The following ADGRV1 variants were observed in gnomAD, a reference collection of about 807,000 sequenced individuals.
The protein encoded by ADGRV1 is adhesion G protein-coupled receptor V1.
In ADGRV1, 359 loss-of-function variants were observed where a neutral mutation model predicts 596.2. The observed-to-expected ratio is 0.60, with a 90% confidence interval of 0.55 to 0.66. ADGRV1 has a LOEUF of 0.66. ADGRV1 is among the 30% of genes least tolerant of loss of function. ADGRV1 has a pLI of 0.00. For synonymous variants in ADGRV1, 2,681 were observed against 2,679.2 expected (o/e 1.00, Z -0.02); for missense variants, 7,274 against 7,575.6 (o/e 0.96, Z 1.48).
chr5:90,573,597 C>T (rs139961166), intron 1 of ADGRV1, among the ~76,000 whole-genome samples: 1 of 152,242 alleles, frequency 6.6e-6, no homozygotes. Flanking sequence ...TATGGACCAC[C>T]ATCATATACC....
At chr5:90,764,009 C>T (rs917966831) in intron 59 of ADGRV1, among the ~76,000 whole-genome samples, 1 of 152,032 alleles carries the variant, frequency 6.6e-6, no homozygotes, top group Admixed American at 6.6e-5. Context: ...AAGCACCTGC[C>T]CTGGTGTGGG....
In ADGRV1 at chr5:90,627,453, T is replaced by C. The variant is rs1452894762; in HGVS notation, c.915T>C (p.Tyr305=). The change falls in exon 7 of 90, where the codon TAT becomes TAC. Residue 305 remains tyrosine (Y), a synonymous_variant. Transcript: ENST00000405460. ...ATGAATATGAGGTTTCAATCAGTTA[T>C]GCTGTCACAACTGGGAATTCCACAG... ...GSDEYEVSIS[Y]AVTTGNSTAH... 6 of 1,614,002 alleles carry C rather than the reference T, an allele frequency of 3.7e-6. No homozygotes were observed. The highest frequency in any genetic ancestry group is 3.3e-5 in the South Asian group (3 of 91,074).
At chr5:91,118,451 C>T (rs1442189834) in intron 87 of ADGRV1, among the ~76,000 whole-genome samples, 1 of 151,988 alleles carries the variant, frequency 6.6e-6, no homozygotes, top group Non-Finnish European at 1.5e-5. Flanking sequence ...CTTTTGCATT[C>T]TATCTATAAA....
chr5:90,911,302 T>G (rs1772866565), intron 83 of ADGRV1, among the ~76,000 whole-genome samples: 1 of 152,198 alleles, frequency 6.6e-6, no homozygotes, highest in Non-Finnish European at 1.5e-5. Flanking sequence ...TGTGACTTTT[T>G]CAGACAGACA....
At chr5:91,085,782 C>A (rs1200866926) in intron 86 of ADGRV1, among the ~76,000 whole-genome samples, 1 of 152,180 alleles carries the variant, frequency 6.6e-6, no homozygotes, top group Admixed American at 6.5e-5. Context: ...TATCACTTTA[C>A]ACTGCCTAGA....
intron 87 of ADGRV1, among the ~76,000 whole-genome samples, chr5:91,143,560 C>T (rs1482650236): frequency 1.3e-5 from 2 of 152,176 alleles, no homozygotes; most frequent in Non-Finnish European, 1.5e-5. Flanking sequence ...ACAGGCAGGT[C>T]GTCCCATCAA....
intron 85 of ADGRV1, among the ~76,000 whole-genome samples, chr5:91,039,614 A>G (rs1404743599): frequency 3.9e-5 from 6 of 152,216 alleles, no homozygotes; most frequent in African/African-American, 1.4e-4. Flanking sequence ...TGGGCATGCA[A>G]ACAAACAAAT....
chr5:91,084,622 C>T (rs1789700013), intron 86 of ADGRV1, among the ~76,000 whole-genome samples: 1 of 152,172 alleles, frequency 6.6e-6, no homozygotes, highest in African/African-American at 2.4e-5. Flanking sequence ...CGCTTTTACA[C>T]TGCTGGTGGG....
At position 90,778,834 on chromosome 5, in the gene ADGRV1, C is replaced by T. The variant is rs13355572; in HGVS notation, c.12850-31C>T. On this transcript the variant is annotated intron_variant, in intron 63 of 89. Coordinates refer to ENST00000405460, the MANE Select transcript of ADGRV1 (RefSeq NM_032119.4). ...AGTATTGTCTGGTAGATTAAACATC[C>T]AAATCAAATAAGAAAATGCATTTTG... The T allele has an allele frequency of 0.027, 41,833 of 1,551,356 alleles. 689 individuals are homozygous for T. The highest frequency in any genetic ancestry group is 0.031 in the Non-Finnish European group (35,580 of 1,132,040).
In ADGRV1 at chr5:90,685,764, A is replaced by T. The variant is rs891469757; in HGVS notation, c.6275-16A>T. 1.3e-6 allele frequency: 2 copies of T among 1,590,334 alleles called. No homozygotes were observed. The highest frequency in any genetic ancestry group is 2.7e-5 in the African/African-American group (2 of 74,504). Reference sequence around the variant, plus strand: ...TGATAGCTTTCTGTGTTCTGTGTGGATCTTCTGTCTTTCAGTTCCAAATTC... The same window carrying T: ...TGATAGCTTTCTGTGTTCTGTGTGGTTCTTCTGTCTTTCAGTTCCAAATTC... On this transcript the variant is annotated splice_polypyrimidine_tract_variant and intron_variant, in intron 28 of 89. Coordinates refer to ENST00000405460, the MANE Select transcript of ADGRV1 (RefSeq NM_032119.4).
At chr5:90,906,614 C>G (rs1772349036) in intron 83 of ADGRV1, among the ~76,000 whole-genome samples, 1 of 151,890 alleles carries the variant, frequency 6.6e-6, no homozygotes, top group African/African-American at 2.4e-5. Flanking sequence ...ATATTTGGAT[C>G]TTCTCTCTTT....
intron 85 of ADGRV1, among the ~76,000 whole-genome samples, chr5:91,071,045 A>G (rs753774277): frequency 1.3e-5 from 2 of 152,144 alleles, no homozygotes; most frequent in Non-Finnish European, 2.9e-5. Context: ...CCTAATGGTG[A>G]TATGATCCCT....
At chr5:90,760,906 CATG>C (rs750222162) in intron 58 of ADGRV1, among the ~76,000 whole-genome samples, 4 of 152,174 alleles carry the variant, frequency 2.6e-5, no homozygotes, top group Non-Finnish European at 5.9e-5. Context: ...ATTGTTATTA[CATG>C]ATAACTATGA....
intron 83 of ADGRV1, among the ~76,000 whole-genome samples, chr5:90,895,435 C>T (rs954314423): frequency 9.2e-5 from 14 of 152,070 alleles, no homozygotes; most frequent in Non-Finnish European, 2.9e-5. Context: ...CAATAACAGT[C>T]TTGACAGAGA....
At position 90,691,416 on chromosome 5, in the gene ADGRV1, C is replaced by T. The variant is rs186961988; in HGVS notation, c.6951+375C>T. Among the ~76,000 whole-genome samples, 29 of 125,194 alleles carry T rather than the reference C, an allele frequency of 2.3e-4. No homozygotes were observed. In the East Asian group the frequency reaches 4.6e-3, roughly 20 times the overall value. 82.1% of individuals were successfully genotyped at this position (125,194 alleles called of 152,430 possible). A position where few individuals can be genotyped will look rare whatever the true frequency, so the allele number is the denominator to read the frequency against. Reference sequence around the variant, plus strand: ...TTTTTTTTTTTGAGATGGAGTTTTACGCTTGTCGCCCAGGCTGGAGGGCAG... The same window carrying T: ...TTTTTTTTTTTGAGATGGAGTTTTATGCTTGTCGCCCAGGCTGGAGGGCAG... On this transcript the variant is annotated intron_variant, in intron 31 of 89. Coordinates refer to ENST00000405460, the MANE Select transcript of ADGRV1 (RefSeq NM_032119.4).
chr5:90,721,531 A>AAAAATAAAAT lies in ADGRV1; in HGVS notation c.9748+524_9748+533dup, dbSNP rs369937781. Among the ~76,000 whole-genome samples the AAAAATAAAAT allele has an allele frequency of 1.6e-3, 134 of 82,626 alleles. 1 individual carries two copies. The highest frequency in any genetic ancestry group is 5.6e-3 in the Middle Eastern group (1 of 178). 54.2% of individuals were successfully genotyped at this position (82,626 alleles called of 152,430 possible). A position where few individuals can be genotyped will look rare whatever the true frequency, so the allele number is the denominator to read the frequency against. ...AAATAAAATAAAATAAAATAAAAAT[A>AAAAATAAAAT]AAAATAAAATAAAATAAAATAAAAT... On this transcript the variant is annotated intron_variant, in intron 45 of 89. Transcript: ENST00000405460.
intron 84 of ADGRV1, among the ~76,000 whole-genome samples, chr5:90,965,861 A>G (rs958845296): frequency 1.3e-5 from 2 of 152,184 alleles, no homozygotes; most frequent in Non-Finnish European, 2.9e-5. Flanking sequence ...CAAAGGAGTG[A>G]CATGATAAGA....
rs749979946 is a variant in ADGRV1, at chr5:90,637,736, C to T, written c.2028C>T (p.Pro676=). ...TTTCTTTTTATAAGGTATACATTCC[C>T]TTACATCGGGATGGAACTGATGGCC... The part of the protein sequence containing the change: ...EDFAAEVVYI[P]LHRDGTDGQA... The change falls in exon 11 of 90, where the codon CCC becomes CCT. Residue 676 remains proline (P), a synonymous_variant. Coordinates refer to ENST00000405460, the MANE Select transcript of ADGRV1 (RefSeq NM_032119.4). 3 of 1,608,668 alleles carry T rather than the reference C, an allele frequency of 1.9e-6. No individual in the cohort carries two copies. The highest frequency in any genetic ancestry group is 1.7e-6 in the Non-Finnish European group (2 of 1,177,652).
intron 83 of ADGRV1, among the ~76,000 whole-genome samples, chr5:90,961,954 T>C: frequency 6.6e-6 from 1 of 152,138 alleles, no homozygotes. Flanking sequence ...GTAAAACGAA[T>C]TGAGAAACAG....
Sources: gnomAD v4.1 joint callset for allele counts (sites outside exome capture counted in the v4.1 genomes callset) on GRCh38, gnomAD v4.1.1 for gene constraint, MANE v1.5 for transcripts, NCBI Gene and HGNC (gene_info 2026-07-23, HGNC 2026-07-21) for gene names.